The following DACH1 variants were observed in gnomAD, a reference collection of about 807,000 sequenced individuals.
The protein encoded by DACH1 is dachshund family transcription factor 1.
In DACH1, 12 loss-of-function variants were observed where a neutral mutation model predicts 54.2. The ratio of observed to expected loss-of-function variants is 0.22; its 90% CI spans 0.14 to 0.36. The LOEUF is 0.36. Among genes scored for constraint, DACH1 ranks in the 10% least tolerant of loss-of-function variants. The probability of loss-of-function intolerance (pLI) is 1.00; values close to 1 mark genes in which losing one functional copy is unlikely to be tolerated. For missense variants in DACH1, 805 were observed against 929.8 expected (o/e 0.87, Z 1.75); for synonymous variants, 386 against 366.2 (o/e 1.05, Z -0.62).
At chr13:71,779,060 T>C (rs1367646028) in intron 1 of DACH1, among the ~76,000 whole-genome samples, 2 of 150,686 alleles carry the variant, frequency 1.3e-5, no homozygotes, top group African/African-American at 2.4e-5. Context: ...AGTGTGGATA[T>C]AGTGAAAAGA....
At position 71,605,696 on chromosome 13, in the gene DACH1, TTCTTCC is replaced by T. The variant is rs535032720; in HGVS notation, c.1126+24854_1126+24859del. 1.5e-4 allele frequency among the ~76,000 whole-genome samples: 23 copies of T among 152,066 alleles called. 1 individual carries two copies. In the South Asian group the frequency reaches 4.8e-3, roughly 32 times the overall value. On this transcript the variant is annotated intron_variant, in intron 3 of 10. Coordinates refer to ENST00000613252, the MANE Select transcript of DACH1 (RefSeq NM_080759.6). Reference sequence around the variant, plus strand: ...TTATGATATTGTGAAAAATGAAAGATTCTTCCTCTTCAATAAGTCTTACTTTTATTA... The same window carrying T: ...TTATGATATTGTGAAAAATGAAAGATTCTTCAATAAGTCTTACTTTTATTA...
chr13:71,561,891 G>T (rs1288621134), intron 4 of DACH1, among the ~76,000 whole-genome samples: 1 of 150,262 alleles, frequency 6.7e-6, no homozygotes, highest in Non-Finnish European at 1.5e-5. Context: ...AAAATAACCA[G>T]AAAAAATAGC....
Position 71,733,227 on chromosome 13 carries a change from TCTCGACTCACTGCAAC to T in DACH1, c.849-51333_849-51318del, listed in dbSNP as rs557869380. ...CCAAGATTATAGTACAGTGGCACAA[TCTCGACTCACTGCAAC>T]CTCTGTCTCCCAGGCTCAGGCTATC... On this transcript the variant is annotated intron_variant, in intron 1 of 10. Coordinates refer to ENST00000613252, the MANE Select transcript of DACH1 (RefSeq NM_080759.6). 3.2e-3 allele frequency among the ~76,000 whole-genome samples: 492 copies of T among 152,314 alleles called. 4 individuals are homozygous for T. The highest frequency in any genetic ancestry group is 4.5e-3 in the Non-Finnish European group (308 of 68,032).
intron 10 of DACH1, among the ~76,000 whole-genome samples, chr13:71,456,693 A>T (rs992582099): frequency 3.9e-5 from 6 of 152,128 alleles, no homozygotes; most frequent in Admixed American, 1.3e-4. Flanking sequence ...TTTCAACTGG[A>T]CAGACTTCAA....
Position 71,631,108 on chromosome 13 carries a change from G to A in DACH1, c.965-391C>T, listed in dbSNP as rs542478743. Among the ~76,000 whole-genome samples the A allele has an allele frequency of 3.3e-5, 5 of 152,264 alleles. No individual in the cohort carries two copies. The South Asian group carries it at 6.2e-4, about 19-fold the overall frequency. On this transcript the variant is annotated intron_variant, in intron 2 of 10. Transcript: ENST00000613252. ...ATCCACAAGGCCTTTCACAAGGAGT[G>A]TAAACCTACTTCCTCACCCAGTTTC...
rs1002817347 is a variant in DACH1, at chr13:71,514,211, A to G, written c.1571-25063T>C. Among the ~76,000 whole-genome samples, 10 of 151,978 alleles carry G rather than the reference A, an allele frequency of 6.6e-5. No individual in the cohort carries two copies. The East Asian group carries it at 9.7e-4, about 15-fold the overall frequency. On this transcript the variant is annotated intron_variant, in intron 6 of 10. Coordinates refer to ENST00000613252, the MANE Select transcript of DACH1 (RefSeq NM_080759.6). Reference sequence around the variant, plus strand: ...CTAGGCAATATTAACACATGATAGTATAAGCTAAGAAGTGGCTTAAACATA... The same window carrying G: ...CTAGGCAATATTAACACATGATAGTGTAAGCTAAGAAGTGGCTTAAACATA...
chr13:71,667,444 TG>T (rs1879914185), intron 2 of DACH1, among the ~76,000 whole-genome samples: 1 of 152,200 alleles, frequency 6.6e-6, no homozygotes, highest in Non-Finnish European at 1.5e-5. Flanking sequence ...ACAGTTTTTA[TG>T]ATCAATTTTA....
intron 1 of DACH1, among the ~76,000 whole-genome samples, chr13:71,715,451 C>T (rs568836159): frequency 6.6e-6 from 1 of 152,078 alleles, no homozygotes. Flanking sequence ...GTGTATGCTG[C>T]TCTGTTCAGG....
rs144090700 is a variant in DACH1, at chr13:71,775,038, A to G, written c.848+90884T>C. On this transcript the variant is annotated intron_variant, in intron 1 of 10. Transcript: ENST00000613252. ...AGTGGTTCATGCCTATAATCCCAGC[A>G]CTTTGAGAGATGGAGGAAGGAGGAT... 9.3e-4 allele frequency among the ~76,000 whole-genome samples: 138 copies of G among 148,012 alleles called. 1 individual carries two copies. Among genetic ancestry groups the G allele is most frequent in the Middle Eastern group, 3.5e-3 (1 of 284 alleles).
At chr13:71,501,928 A>T (rs1879951207) in intron 6 of DACH1, among the ~76,000 whole-genome samples, 5 of 152,182 alleles carry the variant, frequency 3.3e-5, no homozygotes. Context: ...GAGGTAAAAG[A>T]AGTTAATTAA....
chr13:71,556,912 T>C (rs558313115), intron 6 of DACH1, 112 bp downstream of exon 6: 54 of 1,192,688 alleles, frequency 4.5e-5, no homozygotes, highest in Non-Finnish European at 6.0e-5. Flanking sequence ...TTTAAAAACA[T>C]TTATATGCTT....
intron 1 of DACH1, among the ~76,000 whole-genome samples, chr13:71,683,803 T>C (rs980841869): frequency 2.6e-5 from 4 of 152,130 alleles, no homozygotes; most frequent in African/African-American, 9.7e-5. Context: ...ATCACTTAGA[T>C]GCTAAGGGCT....
intron 2 of DACH1, among the ~76,000 whole-genome samples, chr13:71,666,439 A>T (rs1211896182): frequency 1.3e-5 from 2 of 152,208 alleles, no homozygotes; most frequent in Non-Finnish European, 2.9e-5. Flanking sequence ...TACGGTGAGA[A>T]TTATAAATTT....
intron 2 of DACH1, among the ~76,000 whole-genome samples, chr13:71,681,295 A>G (rs1387888385): frequency 6.6e-6 from 1 of 152,224 alleles, no homozygotes; most frequent in Admixed American, 6.5e-5. Context: ...AGAAATAAAC[A>G]TCTTTCAAAT....
At chr13:71,709,395 G>A (rs1396630226) in intron 1 of DACH1, among the ~76,000 whole-genome samples, 1 of 151,644 alleles carries the variant, frequency 6.6e-6, no homozygotes. Context: ...GTTTTAAATC[G>A]TGTGCCATTC....
intron 6 of DACH1, among the ~76,000 whole-genome samples, chr13:71,522,084 T>C (rs1003010413): frequency 2.6e-5 from 4 of 152,158 alleles, no homozygotes; most frequent in Non-Finnish European, 5.9e-5. Context: ...ATCTGGATTG[T>C]TCTGAATAAC....
At chr13:71,864,874 A>G (rs1874617487) in intron 1 of DACH1, among the ~76,000 whole-genome samples, 1 of 152,088 alleles carries the variant, frequency 6.6e-6, no homozygotes, top group Admixed American at 6.5e-5. Context: ...GGCACAGAGT[A>G]TCAGGGCCGC....
rs1873939298 is a variant in DACH1, at chr13:71,440,708, GA to G, written c.2084-17del. On this transcript the variant is annotated splice_polypyrimidine_tract_variant and intron_variant, in intron 10 of 10. Transcript: ENST00000613252. ...AGTCTTCCATCTAGAAATGAACAGT[GA>G]AAAATTAATTAATGGCATGGTATTT... is the stretch of plus-strand genomic sequence containing the variant. 1 of 1,587,430 alleles carries G rather than the reference GA, an allele frequency of 6.3e-7. No homozygotes were observed.
intron 1 of DACH1, among the ~76,000 whole-genome samples, chr13:71,739,764 T>C (rs1445718806): frequency 6.6e-6 from 1 of 152,178 alleles, no homozygotes; most frequent in Non-Finnish European, 1.5e-5. Flanking sequence ...ATTTTCTCTA[T>C]TTTTTATCAT....
Sources: gnomAD v4.1 joint callset for allele counts (sites outside exome capture counted in the v4.1 genomes callset) on GRCh38, gnomAD v4.1.1 for gene constraint, MANE v1.5 for transcripts, NCBI Gene and HGNC (gene_info 2026-07-23, HGNC 2026-07-21) for gene names.